Variants in ATXN1 observed in about 807,000 individuals in gnomAD.
ATXN1 encodes ataxin 1, also known as ataxin-1.
Under a neutral mutation model 56.4 loss-of-function variants are expected in ATXN1, and 8 were observed. The observed-to-expected ratio is 0.14, with a 90% CI of 0.08 to 0.26. The LOEUF is 0.26. Ranked by LOEUF, ATXN1 falls within the 10% of genes least tolerant of loss-of-function variation. The pLI, the probability that ATXN1 is intolerant of heterozygous loss-of-function variation, is 1.00. For synonymous variants in ATXN1, 514 were observed against 494.6 expected (o/e 1.04, Z -0.52); for missense variants, 987 against 1,106.5 (o/e 0.89, Z 1.53).
chr6:16,666,275 C>T (rs1202399617), intron 2 of ATXN1, among the ~76,000 whole-genome samples: 4 of 152,140 alleles, frequency 2.6e-5, no homozygotes, highest in Non-Finnish European at 4.4e-5. Flanking sequence ...CTTAACATAA[C>T]GTCTTCCAGT....
intron 5 of ATXN1, among the ~76,000 whole-genome samples, chr6:16,499,406 T>C (rs1760836319): frequency 6.6e-6 from 1 of 152,218 alleles, no homozygotes; most frequent in South Asian, 2.1e-4. Flanking sequence ...TAAATGTTTT[T>C]CCTCATCCCA....
intron 3 of ATXN1, among the ~76,000 whole-genome samples, chr6:16,638,112 G>C (rs191763980): frequency 1.3e-5 from 2 of 152,136 alleles, no homozygotes; most frequent in African/African-American, 2.4e-5. Context: ...ACTAGTCAAG[G>C]GGTAGAGGAG....
chr6:16,391,213 AC>A (rs1182162067), intron 6 of ATXN1, among the ~76,000 whole-genome samples: 1 of 151,678 alleles, frequency 6.6e-6, no homozygotes, highest in Non-Finnish European at 1.5e-5. Context: ...AAACAAGAAA[AC>A]ACTATTCAGA....
intron 3 of ATXN1, among the ~76,000 whole-genome samples, chr6:16,617,547 G>A (rs1029026386): frequency 2.6e-5 from 4 of 151,808 alleles, no homozygotes; most frequent in South Asian, 2.1e-4. Context: ...TGCGGATCAC[G>A]AGGTCAGGAG....
intron 3 of ATXN1, among the ~76,000 whole-genome samples, chr6:16,603,973 C>T (rs1164760116): frequency 1.3e-5 from 2 of 152,064 alleles, no homozygotes; most frequent in Non-Finnish European, 2.9e-5. Flanking sequence ...CAGGATTTTC[C>T]AGGTCAGCAT....
chr6:16,676,571 T>C (rs1030407385), intron 2 of ATXN1, among the ~76,000 whole-genome samples: 2 of 152,170 alleles, frequency 1.3e-5, no homozygotes, highest in Non-Finnish European at 2.9e-5. Flanking sequence ...ACTCTCCATC[T>C]AGTTGTGGGG....
At chr6:16,684,743 T>A (rs967183239) in intron 2 of ATXN1, among the ~76,000 whole-genome samples, 46 of 152,182 alleles carry the variant, frequency 3.0e-4, no homozygotes, top group African/African-American at 1.1e-3. Flanking sequence ...ATAGAGATAA[T>A]GTATTCTTAA....
At chr6:16,424,770 A>G (rs542794366) in intron 6 of ATXN1, among the ~76,000 whole-genome samples, 48 of 152,318 alleles carry the variant, frequency 3.2e-4, no homozygotes, top group Non-Finnish European at 5.6e-4. Flanking sequence ...TTCAGGTGCA[A>G]AGGAAATGTG....
chr6:16,308,322 T>TCTCACACACACACACACA (rs1243206488), intron 7 of ATXN1, among the ~76,000 whole-genome samples: 1 of 132,728 alleles, frequency 7.5e-6, no homozygotes, highest in East Asian at 2.6e-4. Context: ...TGAAACTCCG[T>TCTCACACACACACACACA]CACACACACA....
At chr6:16,699,063 G>T (rs1759227831) in intron 2 of ATXN1, among the ~76,000 whole-genome samples, 2 of 152,098 alleles carry the variant, frequency 1.3e-5, no homozygotes, top group African/African-American at 4.8e-5. Flanking sequence ...GTTTTCTATT[G>T]TTCAGTGTAC....
intron 6 of ATXN1, among the ~76,000 whole-genome samples, chr6:16,468,913 T>C (rs1259750132): frequency 6.7e-6 from 1 of 148,456 alleles, no homozygotes; most frequent in Non-Finnish European, 1.5e-5. Context: ...AAAAAAAAGG[T>C]AGGACTGTGA....
chr6:16,327,299 A>G lies in ATXN1; in HGVS notation c.1012T>C (p.Ser338Pro). Residue 338 changes from serine to proline, a missense_variant, in exon 7 of 8, where the codon TCC becomes CCC. Physicochemically the swap from Ser to Pro is moderately conservative, Grantham distance 74 (BLOSUM62 -1). Transcript: ENST00000436367. ...MEKSRRYGAP[S>P]SADLGLGKAG... ...TTGCCCAGGCCCAGGTCGGCTGAGG[A>G]CGGGGCCCCGTACCGCCGGCTCTTC... 6.2e-7 allele frequency: 1 copy of G among 1,613,122 alleles called. No individual in the cohort carries two copies. Among genetic ancestry groups the G allele is most frequent in the Non-Finnish European group, 8.5e-7 (1 of 1,179,940 alleles).
chr6:16,685,610 A>C (rs1414503162), intron 2 of ATXN1, among the ~76,000 whole-genome samples: 1 of 152,216 alleles, frequency 6.6e-6, no homozygotes, highest in East Asian at 1.9e-4. Flanking sequence ...TTTTACTGGC[A>C]AGGCCTTTCA....
At chr6:16,739,179 A>AC (rs1224343954) in intron 2 of ATXN1, 1 of 146,530 alleles carries the variant, frequency 6.8e-6, no homozygotes, top group African/African-American at 2.5e-5. Flanking sequence ...TAAAAAAAAA[A>AC]AAAAAAAAAA....
intron 6 of ATXN1, among the ~76,000 whole-genome samples, chr6:16,450,714 C>T (rs1479115082): frequency 1.3e-5 from 2 of 152,170 alleles, no homozygotes; most frequent in Admixed American, 6.5e-5. Context: ...AGCTTCCTCC[C>T]TTCTGGGGAC....
At chr6:16,570,272 G>T (rs1280863765) in intron 4 of ATXN1, among the ~76,000 whole-genome samples, 1 of 152,186 alleles carries the variant, frequency 6.6e-6, no homozygotes, top group East Asian at 1.9e-4. Context: ...TGGTTAGTAA[G>T]TTTAACCCAA....
At chr6:16,683,866 C>T (rs1758864392) in intron 2 of ATXN1, among the ~76,000 whole-genome samples, 1 of 152,172 alleles carries the variant, frequency 6.6e-6, no homozygotes, top group African/African-American at 2.4e-5. Flanking sequence ...ATTATCTGTG[C>T]CCAAGCTGCA....
chr6:16,541,577 G>A (rs769926924), intron 4 of ATXN1, among the ~76,000 whole-genome samples: 15 of 152,170 alleles, frequency 9.9e-5, no homozygotes, highest in South Asian at 2.1e-4. Context: ...AGAACTGGAC[G>A]CCTTTGAGAA....
intron 6 of ATXN1, among the ~76,000 whole-genome samples, chr6:16,392,742 C>T (rs1293230476): frequency 1.3e-5 from 2 of 152,132 alleles, no homozygotes; most frequent in African/African-American, 2.4e-5. Flanking sequence ...GTGATCCACC[C>T]GCTTTGGCCT....
Sources: gnomAD v4.1 joint callset for allele counts (sites outside exome capture counted in the v4.1 genomes callset) on GRCh38, gnomAD v4.1.1 for gene constraint, MANE v1.5 for transcripts, NCBI Gene and HGNC (gene_info 2026-07-23, HGNC 2026-07-21) for gene names.